RSU1: variants seen among roughly 807,000 people sequenced by gnomAD.
The protein encoded by RSU1 is rsu-1.
In RSU1, 26 loss-of-function variants were observed where a neutral mutation model predicts 31.1. The ratio of observed to expected loss-of-function variants is 0.84; its 90% CI spans 0.61 to 1.16. The LOEUF (loss-of-function observed/expected upper bound fraction) is 1.16. RSU1 is among the 50% of genes most tolerant of loss of function. RSU1 has a pLI of 0.00. For synonymous variants in RSU1, 164 were observed against 136.3 expected, an observed-to-expected ratio of 1.20 and a Z score of -1.41; for missense variants, 320 against 339.1, an observed-to-expected ratio of 0.94 and a Z score of 0.44.
At chr10:16,626,231 T>G (rs1188948249) in intron 8 of RSU1, among the ~76,000 whole-genome samples, 1 of 151,976 alleles carries the variant, frequency 6.6e-6, no homozygotes, top group Non-Finnish European at 1.5e-5. Context: ...TTAAATTTTT[T>G]GTAGAGACAG....
rs923252578 is a variant in RSU1 at position 16,701,594 on chromosome 10, G to A, written c.599-6439C>T. Among the ~76,000 whole-genome samples, 10 of 150,948 alleles carry A rather than the reference G, an allele frequency of 6.6e-5. 1 individual carries two copies. Among genetic ancestry groups the A allele is most frequent in the African/African-American group, 2.2e-4 (9 of 41,030 alleles). ...AATAAACGGCTACTCTTCGGATCTA[G>A]TCGGGGAAGATAGTACAACTTACAC... is the stretch of plus-strand genomic sequence containing the variant. On this transcript the variant is annotated intron_variant, in intron 7 of 8. Transcript: ENST00000345264.
intron 2 of RSU1, among the ~76,000 whole-genome samples, chr10:16,785,526 A>ACACATATATACATATATACAT (rs1240281059): frequency 7.1e-6 from 1 of 141,828 alleles, no homozygotes; most frequent in African/African-American, 2.9e-5. Flanking sequence ...ATATATATAT[A>ACACATATATACATATATACAT]ATATTAGTTC....
chr10:16,664,818 C>T (rs1227415937), intron 8 of RSU1, among the ~76,000 whole-genome samples: 2 of 152,130 alleles, frequency 1.3e-5, no homozygotes, highest in Non-Finnish European at 1.5e-5. Flanking sequence ...TTCTCTTTAC[C>T]ATATATTCTT....
At position 16,668,069 on chromosome 10, in the gene RSU1, G is replaced by C. The variant is rs556440320; in HGVS notation, c.731+26954C>G. Among the ~76,000 whole-genome samples the C allele has an allele frequency of 2.0e-5, 3 of 152,286 alleles. No homozygotes were observed. The East Asian group carries it at 5.8e-4, about 29-fold the overall frequency. On this transcript the variant is annotated intron_variant, in intron 8 of 8. Coordinates refer to ENST00000345264, the MANE Select transcript of RSU1 (RefSeq NM_012425.4). ...TTGGAGTTTGCAGTGAGAAATGCTT[G>C]GGTTTCAATTCTGGCTCTACTACAT...
chr10:16,638,392 G>A (rs1441698043), intron 8 of RSU1, among the ~76,000 whole-genome samples: 3 of 152,124 alleles, frequency 2.0e-5, no homozygotes, highest in Non-Finnish European at 4.4e-5. Context: ...ACACATCGTG[G>A]CCTCAAAAGA....
At chr10:16,673,217 CT>C (rs1289083237) in intron 8 of RSU1, among the ~76,000 whole-genome samples, 3 of 150,372 alleles carry the variant, frequency 2.0e-5, no homozygotes, top group African/African-American at 7.4e-5. Flanking sequence ...CCTGGTAGGA[CT>C]CAGAGACCAG....
intron 7 of RSU1, among the ~76,000 whole-genome samples, chr10:16,710,555 T>C (rs1040094067): frequency 6.6e-6 from 1 of 152,198 alleles, no homozygotes; most frequent in Admixed American, 6.5e-5. Flanking sequence ...TTATCAATTT[T>C]CTGGAATAGT....
chr10:16,602,571 A>G lies in RSU1; in HGVS notation c.732-9075T>C, dbSNP rs112183314. Among the ~76,000 whole-genome samples the G allele has an allele frequency of 5.2e-3, 790 of 152,292 alleles. 5 individuals carry two copies. Among genetic ancestry groups the G allele is most frequent in the African/African-American group, 0.017 (721 of 41,572 alleles). ...AGGCTTAACTTCTTTTGTAGTCTATACACTCCAGGCACTGCTAGAAACACA... is the reference window on the plus strand; with the variant it reads ...AGGCTTAACTTCTTTTGTAGTCTATGCACTCCAGGCACTGCTAGAAACACA... On this transcript the variant is annotated intron_variant, in intron 8 of 8. Coordinates refer to ENST00000345264, the MANE Select transcript of RSU1 (RefSeq NM_012425.4).
Position 16,796,454 on chromosome 10 carries a change from A to G in RSU1, c.110-14370T>C, listed in dbSNP as rs368564042. 4.6e-5 allele frequency among the ~76,000 whole-genome samples: 7 copies of G among 152,162 alleles called. No homozygotes were observed. The East Asian group carries it at 1.2e-3, about 25-fold the overall frequency. ...AACACTGCAAACAAATCTGCCATCA[A>G]TGACACCCACAAACCCTCACCCTCT... On this transcript the variant is annotated intron_variant, in intron 2 of 8. Transcript: ENST00000345264.
chr10:16,717,828 T>A (rs1461363636), intron 7 of RSU1, among the ~76,000 whole-genome samples: 1 of 151,876 alleles, frequency 6.6e-6, no homozygotes, highest in African/African-American at 2.4e-5. Context: ...AACTTACCAG[T>A]CCTAACACAA....
chr10:16,754,115 G>C (rs1837034529), intron 5 of RSU1, among the ~76,000 whole-genome samples: 1 of 152,150 alleles, frequency 6.6e-6, no homozygotes, highest in African/African-American at 2.4e-5. Context: ...GAAAGTCATA[G>C]AAAGGTAATG....
intron 8 of RSU1, among the ~76,000 whole-genome samples, chr10:16,657,909 G>C (rs1454156411): frequency 3.9e-5 from 6 of 152,132 alleles, no homozygotes; most frequent in Non-Finnish European, 7.3e-5. Context: ...AGAATTGCTT[G>C]AAACTGGGAG....
intron 8 of RSU1, among the ~76,000 whole-genome samples, chr10:16,666,857 C>G (rs751826522): frequency 1.3e-5 from 2 of 151,896 alleles, no homozygotes; most frequent in Non-Finnish European, 2.9e-5. Context: ...GGCATGGTGA[C>G]GCATGCCTGT....
Position 16,659,058 on chromosome 10 carries a change from C to G in RSU1, c.731+35965G>C, listed in dbSNP as rs7906103. Among the ~76,000 whole-genome samples, 1,229 of 152,186 alleles carry G rather than the reference C, an allele frequency of 8.1e-3. 18 individuals are homozygous for G. The highest frequency in any genetic ancestry group is 0.028 in the African/African-American group (1,159 of 41,536). On this transcript the variant is annotated intron_variant, in intron 8 of 8. Coordinates refer to ENST00000345264, the MANE Select transcript of RSU1 (RefSeq NM_012425.4). ...GTCATGTTTTCCTTTCTTTGAAATGCTTGTTCATACCTTTTATCAATTTAT... is the reference window on the plus strand; with the variant it reads ...GTCATGTTTTCCTTTCTTTGAAATGGTTGTTCATACCTTTTATCAATTTAT...
intron 4 of RSU1, among the ~76,000 whole-genome samples, chr10:16,757,028 AGT>A (rs924050908): frequency 2.6e-4 from 37 of 141,000 alleles, no homozygotes; most frequent in African/African-American, 8.3e-4. Flanking sequence ...GTGTGTACGC[AGT>A]GTGTGTGTGG....
At chr10:16,673,143 G>A (rs939357698) in intron 8 of RSU1, among the ~76,000 whole-genome samples, 1 of 152,150 alleles carries the variant, frequency 6.6e-6, no homozygotes, top group Non-Finnish European at 1.5e-5. Flanking sequence ...GAAGTCCTTT[G>A]ACCCCATTGA....
intron 2 of RSU1, among the ~76,000 whole-genome samples, chr10:16,803,618 G>T (rs934585642): frequency 1.1e-4 from 16 of 152,100 alleles, no homozygotes; most frequent in African/African-American, 2.9e-4. Context: ...GTGTGGAGTT[G>T]GTGAAACAAT....
At chr10:16,648,369 A>G (rs1039751429) in intron 8 of RSU1, among the ~76,000 whole-genome samples, 10 of 152,220 alleles carry the variant, frequency 6.6e-5, no homozygotes, top group Admixed American at 1.3e-4. Context: ...AGGCAGCTCA[A>G]TCAACCAAAG....
intron 2 of RSU1, among the ~76,000 whole-genome samples, chr10:16,802,222 A>T (rs1365424212): frequency 1.3e-5 from 2 of 151,938 alleles, no homozygotes; most frequent in Non-Finnish European, 2.9e-5. Context: ...ACAAATTACA[A>T]ACAGAAATGA....
Sources: gnomAD v4.1 joint callset for allele counts (sites outside exome capture counted in the v4.1 genomes callset) on GRCh38, gnomAD v4.1.1 for gene constraint, MANE v1.5 for transcripts, NCBI Gene and HGNC (gene_info 2026-07-23, HGNC 2026-07-21) for gene names.